Variants in TANC1 observed in about 807,000 individuals in gnomAD.
TANC1 encodes the protein tetratricopeptide repeat, ankyrin repeat and coiled-coil containing 1.
Under a neutral mutation model 149.7 loss-of-function variants are expected in TANC1, and 77 were observed. That is an observed-to-expected ratio of 0.51 (90% CI 0.43 to 0.62). The LOEUF (loss-of-function observed/expected upper bound fraction) is 0.62. Ranked by LOEUF, TANC1 falls within the 20% of genes least tolerant of loss-of-function variation. TANC1 has a pLI of 0.00. For missense variants in TANC1, 1,985 were observed against 2,321.8 expected (o/e 0.85, Z 2.98); for synonymous variants, 854 against 925.0 (o/e 0.92, Z 1.39).
At chr2:159,122,097 C>T (rs2048907333) in intron 4 of TANC1, among the ~76,000 whole-genome samples, 3 of 152,208 alleles carry the variant, frequency 2.0e-5, no homozygotes, top group African/African-American at 7.2e-5. Flanking sequence ...GCCACCACAC[C>T]CACCTAATTT....
intron 3 of TANC1, among the ~76,000 whole-genome samples, chr2:159,068,446 G>A (rs2042857396): frequency 6.6e-6 from 1 of 152,098 alleles, no homozygotes; most frequent in African/African-American, 2.4e-5. Context: ...CTAAAAACTT[G>A]AGTTCAGCTT....
intron 5 of TANC1, among the ~76,000 whole-genome samples, chr2:159,137,310 T>C (rs1481939462): frequency 1.3e-5 from 2 of 152,094 alleles, no homozygotes; most frequent in Non-Finnish European, 2.9e-5. Flanking sequence ...GGTAAAAATA[T>C]AGCTAAAAAT....
chr2:159,153,131 A>G (rs1030985150), intron 7 of TANC1, among the ~76,000 whole-genome samples: 1 of 152,224 alleles, frequency 6.6e-6, no homozygotes, highest in Non-Finnish European at 1.5e-5. Context: ...GGTGCTGGAA[A>G]TGAGAAATTA....
At chr2:159,086,503 C>A (rs779285275) in intron 3 of TANC1, among the ~76,000 whole-genome samples, 1 of 151,938 alleles carries the variant, frequency 6.6e-6, no homozygotes, top group African/African-American at 2.4e-5. Flanking sequence ...GGGCATAGCT[C>A]GAGGTGCCTG....
At chr2:159,035,254 C>T (rs1373019338) in intron 2 of TANC1, among the ~76,000 whole-genome samples, 2 of 152,024 alleles carry the variant, frequency 1.3e-5, no homozygotes, top group Non-Finnish European at 2.9e-5. Flanking sequence ...AAAGAAAAAG[C>T]TATTGATGGG....
At chr2:159,117,701 CTTTTTTTTTTTTTTT>C (rs59509568) in intron 4 of TANC1, among the ~76,000 whole-genome samples, 2 of 113,282 alleles carry the variant, frequency 1.8e-5, no homozygotes, top group Non-Finnish European at 3.3e-5. Flanking sequence ...CGGCCTATTC[CTTTTTTTTTTTTTTT>C]TTTTTTTTTT....
At chr2:159,198,564 A>G (rs900974567) in intron 18 of TANC1, among the ~76,000 whole-genome samples, 2 of 152,254 alleles carry the variant, frequency 1.3e-5, no homozygotes, top group East Asian at 1.9e-4. Context: ...TATTTGAACA[A>G]TACTTTGTAA....
At chr2:159,104,981 CTTTTTTTT>C (rs146778655) in intron 4 of TANC1, among the ~76,000 whole-genome samples, 18 of 43,376 alleles carry the variant, frequency 4.1e-4, no homozygotes, top group African/African-American at 1.3e-3. Flanking sequence ...TGGATATTTG[CTTTTTTTT>C]TTTTTTTTTT....
rs895918487 is a variant in TANC1 at position 158,994,228 on chromosome 2, G to A, written c.-125-6852G>A. On this transcript the variant is annotated intron_variant, in intron 1 of 26. Coordinates refer to ENST00000263635, the MANE Select transcript of TANC1 (RefSeq NM_033394.3). ...GGGTGAGAGGTGGTGCGTAGGAGCAGAGAAGGGATATATAGGAATAGAGTG... is the reference window on the plus strand; with the variant it reads ...GGGTGAGAGGTGGTGCGTAGGAGCAAAGAAGGGATATATAGGAATAGAGTG... Among the ~76,000 whole-genome samples, 15 of 152,258 alleles carry A rather than the reference G, an allele frequency of 9.9e-5. 1 individual carries two copies. The South Asian group carries it at 2.5e-3, about 25-fold the overall frequency.
At chr2:159,050,859 A>G (rs2041412724) in intron 2 of TANC1, among the ~76,000 whole-genome samples, 3 of 152,242 alleles carry the variant, frequency 2.0e-5, no homozygotes, top group Admixed American at 1.3e-4. Context: ...ATGCAGTTTT[A>G]TAGTTTTTAG....
At chr2:159,015,609 G>A (rs904412190) in intron 2 of TANC1, among the ~76,000 whole-genome samples, 5 of 152,168 alleles carry the variant, frequency 3.3e-5, no homozygotes, top group Admixed American at 1.3e-4. Flanking sequence ...TCTGAACTTA[G>A]ATGCTCTGCT....
intron 2 of TANC1, chr2:159,056,786 G>A (rs2041887798): frequency 2.6e-5 from 9 of 347,346 alleles, no homozygotes; most frequent in African/African-American, 6.3e-5. Context: ...TGTTCTTCCC[G>A]TCCATGAAGT....
intron 2 of TANC1, among the ~76,000 whole-genome samples, chr2:159,011,695 C>T (rs1290612774): frequency 1.3e-5 from 2 of 152,110 alleles, no homozygotes; most frequent in Non-Finnish European, 2.9e-5. Flanking sequence ...ACCACCATGC[C>T]TGGTCAAATT....
In TANC1 at chr2:159,104,436, G is replaced by A. The variant is rs2046972669; in HGVS notation, c.259+6602G>A. Among the ~76,000 whole-genome samples the A allele has an allele frequency of 2.1e-5, 2 of 95,918 alleles. 1 individual carries two copies. The highest frequency in any genetic ancestry group is 5.8e-5 in the Non-Finnish European group (2 of 34,382). The allele number at this position is 95,918 out of a possible 152,430, so 62.9% of individuals were successfully genotyped here. On this transcript the variant is annotated intron_variant, in intron 4 of 26. Transcript: ENST00000263635. Reference sequence around the variant, plus strand: ...GCATATGAAGTATGGTCTGGACATTGGGATTTTTAAAAAGGCTTCCTCGGT... The same window carrying A: ...GCATATGAAGTATGGTCTGGACATTAGGATTTTTAAAAAGGCTTCCTCGGT...
At chr2:159,196,370 A>G (rs530120055) in intron 17 of TANC1, among the ~76,000 whole-genome samples, 1 of 152,336 alleles carries the variant, frequency 6.6e-6, no homozygotes, top group African/African-American at 2.4e-5. Context: ...CATGGGAGTA[A>G]GGAGGGTGTT....
intron 23 of TANC1, chr2:159,224,742 G>A: frequency 5.2e-6 from 1 of 192,580 alleles, no homozygotes; most frequent in South Asian, 1.4e-4. Flanking sequence ...CCAGTCAGCT[G>A]TGTGGGGAAA....
intron 14 of TANC1, among the ~76,000 whole-genome samples, chr2:159,182,267 A>G (rs554167400): frequency 2.6e-5 from 4 of 151,916 alleles, no homozygotes; most frequent in Non-Finnish European, 4.4e-5. Flanking sequence ...TACATTTTGC[A>G]ATATTTGCTA....
intron 14 of TANC1, among the ~76,000 whole-genome samples, chr2:159,184,351 A>G (rs2056776806): frequency 2.0e-5 from 3 of 152,130 alleles, no homozygotes; most frequent in African/African-American, 7.2e-5. Context: ...GGTATGCAGG[A>G]GTATAGGTGG....
chr2:159,011,087 A>T (rs2037709822), intron 2 of TANC1, among the ~76,000 whole-genome samples: 1 of 152,062 alleles, frequency 6.6e-6, no homozygotes, highest in South Asian at 2.1e-4. Context: ...CACACCTATG[A>T]GTTTAGGATA....
Sources: allele counts gnomAD v4.1 joint callset (sites outside exome capture counted in the v4.1 genomes callset), GRCh38; gene constraint gnomAD v4.1.1; transcripts MANE v1.5; gene names NCBI Gene and HGNC (gene_info 2026-07-23, HGNC 2026-07-21).